SNX14: variants seen among roughly 807,000 people sequenced by gnomAD.
SNX14 encodes sorting nexin 14.
SNX14 carries 93 observed loss-of-function variants against 133.8 expected under a neutral mutation model. The ratio of observed to expected loss-of-function variants is 0.70; its 90% confidence interval spans 0.59 to 0.83. SNX14 has a LOEUF of 0.83. Among genes scored for constraint, SNX14 ranks in the 40% least tolerant of loss-of-function variants. The pLI is 0.00. For synonymous variants in SNX14, 368 were observed against 365.6 expected (o/e 1.01, Z -0.07); for missense variants, 945 against 1,094.9 (o/e 0.86, Z 1.93).
At chr6:85,570,506 T>C (rs1795191781) in intron 4 of SNX14, among the ~76,000 whole-genome samples, 1 of 152,196 alleles carries the variant, frequency 6.6e-6, no homozygotes, top group African/African-American at 2.4e-5. Context: ...TTTTATATTT[T>C]ATTTAACCCA....
At chr6:85,531,494 A>C (rs1476351470) in intron 18 of SNX14, among the ~76,000 whole-genome samples, 1 of 152,196 alleles carries the variant, frequency 6.6e-6, no homozygotes, top group Non-Finnish European at 1.5e-5. Flanking sequence ...TTCTATTTAG[A>C]AAAAACCAAC....
intron 23 of SNX14, among the ~76,000 whole-genome samples, chr6:85,517,141 C>T (rs1775305411): frequency 6.6e-6 from 1 of 152,052 alleles, no homozygotes; most frequent in African/African-American, 2.4e-5. Context: ...AGCAAGACGA[C>T]TAAATAAAAA....
chr6:85,530,213 A>G lies in SNX14; in HGVS notation c.1873T>C (p.Ser625Pro). 6.3e-7 allele frequency: 1 copy of G among 1,598,156 alleles called. No individual in the cohort carries two copies. Among genetic ancestry groups the G allele is most frequent in the Non-Finnish European group, 8.5e-7 (1 of 1,171,930 alleles). ...ATACCATGAAATTCTGTTAGTTTTG[A>G]TTCAAGTACATAGAATTCAAGATAT... ...RRYLEFYVLE[S>P]KLTEFHGAFP... is the part of the protein sequence containing the mutation. Residue 625 changes from serine (S) to proline (P), a missense_variant, in exon 19 of 29, where the codon TCA (serine) becomes CCA (proline). Coordinates refer to ENST00000314673, the MANE Select transcript of SNX14 (RefSeq NM_153816.6).
chr6:85,524,591 G>A (rs1777988028), intron 21 of SNX14, among the ~76,000 whole-genome samples: 1 of 151,992 alleles, frequency 6.6e-6, no homozygotes, highest in African/African-American at 2.4e-5. Flanking sequence ...AGACCAGCCT[G>A]GCCAACGTGG....
intron 4 of SNX14, among the ~76,000 whole-genome samples, chr6:85,571,383 G>A (rs1346521144): frequency 6.7e-6 from 1 of 148,516 alleles, no homozygotes; most frequent in South Asian, 2.1e-4. Context: ...AAAGGCCTTA[G>A]AGAGGCAAAG....
At chr6:85,528,546 A>G (rs1001824968) in intron 19 of SNX14, among the ~76,000 whole-genome samples, 184 bp from the exon 20 acceptor site, 12 of 152,308 alleles carry the variant, frequency 7.9e-5, no homozygotes, top group African/African-American at 2.6e-4. Context: ...AGACCAAAGA[A>G]CTTGAGTCTA....
At position 85,593,625 on chromosome 6, in the gene SNX14, AG is replaced by A. The variant is rs1803695234; in HGVS notation, c.93del (p.Cys32AlafsTer21). On this transcript the variant is annotated frameshift_variant, in exon 1 of 29. Transcript: ENST00000314673. LOFTEE classifies it high-confidence loss of function. ...GCGCTGAGACAGAGCAGCAGGAAGC[AG>A]AACAGCGGGTACTGGCGGCAGATCT... ...GREICRQYPLFCFLLLCLSAA... is the reference protein window; with the variant it reads ...GREICRQYPLXCFLLLCLSAA... The A allele has an allele frequency of 6.2e-7, 1 of 1,613,468 alleles. No individual in the cohort carries two copies. The highest frequency in any genetic ancestry group is 1.3e-5 in the African/African-American group (1 of 74,940).
At chr6:85,584,058 C>T (rs1394795498) in intron 1 of SNX14, among the ~76,000 whole-genome samples, 1 of 152,072 alleles carries the variant, frequency 6.6e-6, no homozygotes, top group Non-Finnish European at 1.5e-5. Context: ...GATATATAGA[C>T]CAATGGAACA....
At chr6:85,514,685 A>G in intron 23 of SNX14, 56 bp from the exon 24 acceptor site, 1 of 1,540,016 alleles carries the variant, frequency 6.5e-7, no homozygotes, top group South Asian at 1.1e-5. Context: ...TCTGCTGACG[A>G]TAATCAATAA....
At chr6:85,552,305 G>A (rs1156998151) in intron 7 of SNX14, among the ~76,000 whole-genome samples, 1 of 151,966 alleles carries the variant, frequency 6.6e-6, no homozygotes, top group East Asian at 1.9e-4. Context: ...CAAAGTGCTG[G>A]GGGAATCTTA....
chr6:85,560,413 A>G (rs1791146483), intron 6 of SNX14, among the ~76,000 whole-genome samples: 1 of 152,246 alleles, frequency 6.6e-6, no homozygotes, highest in Non-Finnish European at 1.5e-5. Context: ...TTCCATGTAT[A>G]TGAAATGTTC....
chr6:85,586,448 C>A (rs1022147594), intron 1 of SNX14, among the ~76,000 whole-genome samples: 1 of 151,996 alleles, frequency 6.6e-6, no homozygotes, highest in Non-Finnish European at 1.5e-5. Flanking sequence ...TGTTTAGATA[C>A]CAATTAGAAC....
At chr6:85,511,197 T>TA (rs1772694109) in intron 26 of SNX14, among the ~76,000 whole-genome samples, 1 of 149,916 alleles carries the variant, frequency 6.7e-6, no homozygotes, top group African/African-American at 2.4e-5. Context: ...GTATTTTTTT[T>TA]AATTTCAAAT....
intron 20 of SNX14, among the ~76,000 whole-genome samples, chr6:85,527,732 C>T (rs1324284350): frequency 3.3e-5 from 5 of 151,836 alleles, no homozygotes; most frequent in Admixed American, 6.6e-5. Flanking sequence ...CATAATGTAA[C>T]GTGCACACAC....
At chr6:85,562,797 G>A (rs1031406246) in intron 6 of SNX14, among the ~76,000 whole-genome samples, 3 of 151,830 alleles carry the variant, frequency 2.0e-5, no homozygotes, top group Admixed American at 2.0e-4. Flanking sequence ...TCACCATGTT[G>A]GCCAGGCTGA....
chr6:85,526,210 TACTC>T lies in SNX14; in HGVS notation c.2019_2022del (p.Ser674IlefsTer26). The T allele has an allele frequency of 6.2e-7, 1 of 1,607,076 alleles. No homozygotes were observed. Among genetic ancestry groups the T allele is most frequent in the Non-Finnish European group, 8.5e-7 (1 of 1,176,764 alleles). On this transcript the variant is annotated frameshift_variant, in exon 21 of 29. Coordinates refer to ENST00000314673, the MANE Select transcript of SNX14 (RefSeq NM_153816.6). LOFTEE classifies it high-confidence loss of function. ...AGAAAGTCTGCCAGAAGTTGACTAT[TACTC>T]AGTTCTGGATGCTGCAGAAGTTTCT...
chr6:85,583,336 T>A (rs1038640397), intron 1 of SNX14, among the ~76,000 whole-genome samples: 1 of 152,194 alleles, frequency 6.6e-6, no homozygotes, highest in African/African-American at 2.4e-5. Flanking sequence ...CTTTGAAAAC[T>A]GACACAACAC....
intron 8 of SNX14, 54 bp from the exon 9 acceptor site, chr6:85,548,430 T>C: frequency 7.4e-7 from 1 of 1,358,120 alleles, no homozygotes; most frequent in South Asian, 1.3e-5. Context: ...TATTAGTTCT[T>C]AACTTTCAAG....
chr6:85,510,621 GAAGT>G (rs1271127070), intron 26 of SNX14, among the ~76,000 whole-genome samples: 2 of 151,996 alleles, frequency 1.3e-5, no homozygotes, highest in Non-Finnish European at 2.9e-5. Flanking sequence ...TAATTTTAAT[GAAGT>G]AAAGATTATC....
Sources: gnomAD v4.1 joint callset for allele counts (sites outside exome capture counted in the v4.1 genomes callset) on GRCh38, gnomAD v4.1.1 for gene constraint, MANE v1.5 for transcripts, NCBI Gene and HGNC (gene_info 2026-07-23, HGNC 2026-07-21) for gene names.